Variants in DACH1 observed in about 807,000 individuals in gnomAD.
The protein encoded by DACH1 is dachshund homolog 1.
In DACH1, 12 loss-of-function variants were observed where a neutral mutation model predicts 54.2. That is an observed-to-expected ratio of 0.22 (90% confidence interval 0.14 to 0.36). The LOEUF (loss-of-function observed/expected upper bound fraction) is 0.36. Among genes scored for constraint, DACH1 ranks in the 10% least tolerant of loss-of-function variants. The pLI is 1.00. For missense variants in DACH1, 805 were observed against 929.8 expected (o/e 0.87, Z 1.75); for synonymous variants, 386 against 366.2 (o/e 1.05, Z -0.62).
intron 1 of DACH1, among the ~76,000 whole-genome samples, chr13:71,770,617 A>G (rs1349201392): frequency 6.6e-6 from 1 of 151,680 alleles, no homozygotes; most frequent in Admixed American, 6.6e-5. Flanking sequence ...AGGCTTTATT[A>G]TAAGAAAATT....
At chr13:71,587,877 G>T (rs766248004) in intron 3 of DACH1, among the ~76,000 whole-genome samples, 52 of 152,164 alleles carry the variant, frequency 3.4e-4, no homozygotes, top group Non-Finnish European at 6.3e-4. Flanking sequence ...TAAACTCTCA[G>T]AAAGAAAGGT....
chr13:71,717,749 A>T (rs7336406), intron 1 of DACH1, among the ~76,000 whole-genome samples: 13,334 of 152,046 alleles, frequency 0.088, 1,628 homozygotes, highest in African/African-American at 0.28. Flanking sequence ...CTGTATCTTG[A>T]TGTATGCCAT....
chr13:71,687,120 G>A (rs17088398), intron 1 of DACH1, among the ~76,000 whole-genome samples: 1 of 152,014 alleles, frequency 6.6e-6, no homozygotes, highest in Admixed American at 6.5e-5. Flanking sequence ...ATCTATTTAC[G>A]CAAGGAAAGT....
At chr13:71,534,487 T>C (rs1207348730) in intron 6 of DACH1, among the ~76,000 whole-genome samples, 1 of 151,928 alleles carries the variant, frequency 6.6e-6, no homozygotes, top group Non-Finnish European at 1.5e-5. Flanking sequence ...ATATTGATCA[T>C]ATTGAAGTTC....
At chr13:71,452,293 C>T (rs1358621156) in intron 10 of DACH1, among the ~76,000 whole-genome samples, 3 of 151,844 alleles carry the variant, frequency 2.0e-5, no homozygotes, top group Non-Finnish European at 4.4e-5. Flanking sequence ...ATGCCTGGCT[C>T]ATTTTTGTAT....
intron 2 of DACH1, among the ~76,000 whole-genome samples, chr13:71,633,647 T>G (rs929132011): frequency 6.6e-6 from 1 of 152,014 alleles, no homozygotes. Flanking sequence ...TGCTGTAACT[T>G]AACTACAACA....
At chr13:71,577,980 A>T (rs533034162) in intron 3 of DACH1, among the ~76,000 whole-genome samples, 2 of 152,340 alleles carry the variant, frequency 1.3e-5, no homozygotes, top group South Asian at 4.1e-4. Context: ...AGAAGTCCAC[A>T]GTATTTCTAT....
chr13:71,792,638 G>A (rs567133313), intron 1 of DACH1, among the ~76,000 whole-genome samples: 1 of 152,258 alleles, frequency 6.6e-6, no homozygotes, highest in Admixed American at 6.5e-5. Context: ...TGATCAATCC[G>A]TGGTCACTGT....
rs368016540 is a variant in DACH1 at position 71,790,037 on chromosome 13, G to A, written c.848+75885C>T. Among the ~76,000 whole-genome samples, 8 of 152,144 alleles carry A rather than the reference G, an allele frequency of 5.3e-5. 1 individual carries two copies. In the South Asian group the frequency reaches 1.7e-3, roughly 32 times the overall value. ...AAATATCTGGGAGTGTTTATATGCC[G>A]CTCCATCTGGAGGATGCAAATAGTC... On this transcript the variant is annotated intron_variant, in intron 1 of 10. Transcript: ENST00000613252.
intron 3 of DACH1, among the ~76,000 whole-genome samples, chr13:71,573,804 C>A (rs1215985657): frequency 6.6e-6 from 1 of 152,000 alleles, no homozygotes; most frequent in African/African-American, 2.4e-5. Context: ...CAACATTTAA[C>A]CTAGTGGTGG....
At chr13:71,529,183 GTTT>G (rs10707603) in intron 6 of DACH1, among the ~76,000 whole-genome samples, 7 of 80,966 alleles carry the variant, frequency 8.6e-5, no homozygotes, top group Non-Finnish European at 1.0e-4. Flanking sequence ...TGTGATTTGG[GTTT>G]TTTTTTTTTT....
chr13:71,449,280 C>T (rs1488291707), intron 10 of DACH1, among the ~76,000 whole-genome samples: 1 of 151,636 alleles, frequency 6.6e-6, no homozygotes. Context: ...GAGCCGAGAT[C>T]GAACCACTGC....
At chr13:71,485,664 C>A (rs1360714694) in intron 7 of DACH1, among the ~76,000 whole-genome samples, 27 of 147,012 alleles carry the variant, frequency 1.8e-4, no homozygotes, top group Non-Finnish European at 1.8e-4. Flanking sequence ...GGCTCTGCAA[C>A]CTCTGCCTCC....
intron 6 of DACH1, among the ~76,000 whole-genome samples, chr13:71,546,249 G>A (rs1484650488): frequency 6.6e-6 from 1 of 151,890 alleles, no homozygotes; most frequent in Non-Finnish European, 1.5e-5. Context: ...CTTCACAAAA[G>A]TATAATTCTC....
rs557977061 is a variant in DACH1 at position 71,654,241 on chromosome 13, T to C, written c.965-23524A>G. 2.0e-5 allele frequency among the ~76,000 whole-genome samples: 3 copies of C among 151,154 alleles called. No homozygotes were observed. In the East Asian group the frequency reaches 5.9e-4, roughly 30 times the overall value. On this transcript the variant is annotated intron_variant, in intron 2 of 10. Transcript: ENST00000613252. ...CTGGTCTTTACTAAAAATACAAAAA[T>C]AAGCCGGGTGTGGCGGAGCACACCT...
chr13:71,720,234 T>A (rs752159099), intron 1 of DACH1, among the ~76,000 whole-genome samples: 1 of 152,150 alleles, frequency 6.6e-6, no homozygotes, highest in Non-Finnish European at 1.5e-5. Flanking sequence ...CATGGCTTAT[T>A]CCAGCATGTG....
intron 1 of DACH1, among the ~76,000 whole-genome samples, chr13:71,805,523 C>T (rs962614998): frequency 1.1e-4 from 16 of 152,114 alleles, no homozygotes; most frequent in South Asian, 8.3e-4. Flanking sequence ...CCTGCTGTCA[C>T]GGCTGGTAGG....
intron 1 of DACH1, among the ~76,000 whole-genome samples, chr13:71,848,212 C>G (rs962253852): frequency 1.6e-5 from 2 of 122,428 alleles, no homozygotes; most frequent in Admixed American, 1.7e-4. Flanking sequence ...ATTATCCCCC[C>G]CCAAAAAAAT....
At position 71,475,747 on chromosome 13, in the gene DACH1, A is replaced by T; in HGVS notation, c.1973T>A (p.Leu658Gln). 1 of 1,613,688 alleles carries T rather than the reference A, an allele frequency of 6.2e-7. No homozygotes were observed. Residue 658 changes from leucine (L) to glutamine (Q), a missense_variant, in exon 9 of 11, where the codon CTA (leucine) becomes CAA (glutamine). Physicochemically the swap from Leu to Gln is moderately radical, Grantham distance 113. Around this residue, in one of 3 missense-constraint regions of DACH1, gnomAD observed 472 missense variants for 545.3 expected, o/e 0.87. Coordinates refer to ENST00000613252, the MANE Select transcript of DACH1 (RefSeq NM_080759.6). ...ACTATCTGTTGAAGCTGCCTGTTTT[A>T]GCGTCTGTTCTGCTTGTTCACGCCG... ...TKRREQAEQT[L>Q]KQAASTDSLR...
Sources: allele counts gnomAD v4.1 joint callset (sites outside exome capture counted in the v4.1 genomes callset), GRCh38; gene constraint gnomAD v4.1.1; regional missense constraint gnomAD v4.1.1; transcripts MANE v1.5; gene names NCBI Gene and HGNC (gene_info 2026-07-23, HGNC 2026-07-21).